Variants in TMEM184B observed in about 807,000 individuals in gnomAD.
TMEM184B encodes the protein putative MAPK-activating protein FM08.
A neutral mutation model predicts 41.8 loss-of-function variants in TMEM184B; 17 were observed. That is an observed-to-expected ratio of 0.41 (90% confidence interval 0.28 to 0.61). The LOEUF is 0.61. TMEM184B is among the 20% of genes least tolerant of loss of function. The pLI, the probability that TMEM184B is intolerant of heterozygous loss-of-function variation, is 0.34. For synonymous variants in TMEM184B, 240 were observed against 229.5 expected, an observed-to-expected ratio of 1.05 and a Z score of -0.41; for missense variants, 393 against 557.8, an observed-to-expected ratio of 0.70 and a Z score of 2.98.
intron 1 of TMEM184B, among the ~76,000 whole-genome samples, chr22:38,267,392 C>T (rs1436537419): frequency 6.6e-6 from 1 of 151,930 alleles, no homozygotes; most frequent in African/African-American, 2.4e-5. Context: ...TGAGCACCAC[C>T]GGCTCCTGGA....
chr22:38,247,310 C>T (rs9622762), intron 2 of TMEM184B, among the ~76,000 whole-genome samples: 3 of 152,184 alleles, frequency 2.0e-5, no homozygotes, highest in East Asian at 1.9e-4. Flanking sequence ...AACAGAGTGA[C>T]GAGTGTCACC....
intron 1 of TMEM184B, among the ~76,000 whole-genome samples, chr22:38,251,895 T>TG (rs1365885635): frequency 2.3e-5 from 3 of 132,904 alleles, no homozygotes; most frequent in African/African-American, 1.1e-4. Context: ...CAGATGATGC[T>TG]GTTTTTTTTT....
rs538360224 is a variant in TMEM184B, at chr22:38,220,694, G to A, written c.*775C>T. Reference sequence around the variant, plus strand: ...AGCAAGGGCTCTGCCCAAAGCTATCGAGGAAGGACCCAAGTGAGCCGGCAG... The same window carrying A: ...AGCAAGGGCTCTGCCCAAAGCTATCAAGGAAGGACCCAAGTGAGCCGGCAG... On this transcript the variant is annotated 3_prime_UTR_variant, in exon 9 of 9. Coordinates refer to ENST00000361906, the MANE Select transcript of TMEM184B (RefSeq NM_012264.5). 52 of 986,238 alleles carry A rather than the reference G, an allele frequency of 5.3e-5. 1 individual carries two copies. The highest frequency in any genetic ancestry group is 3.5e-4 in the African/African-American group (20 of 57,384). The allele number at this position is 986,238 out of a possible 1,614,324, so 61.1% of individuals were successfully genotyped here.
downstream of TMEM184B, among the ~76,000 whole-genome samples, chr22:38,219,030 T>C (rs1353056945): frequency 1.3e-5 from 2 of 152,140 alleles, no homozygotes; most frequent in African/African-American, 2.4e-5. Flanking sequence ...ATGGACCTGG[T>C]TGACCAAACA....
chr22:38,270,506 G>A (rs2092506738), intron 1 of TMEM184B, among the ~76,000 whole-genome samples: 1 of 152,192 alleles, frequency 6.6e-6, no homozygotes, highest in African/African-American at 2.4e-5. Flanking sequence ...CACAAGTAGG[G>A]CACTGTCTTG....
intron 3 of TMEM184B, among the ~76,000 whole-genome samples, chr22:38,243,043 G>C (rs1454999711): frequency 1.7e-5 from 2 of 120,242 alleles, no homozygotes; most frequent in Non-Finnish European, 3.3e-5. Context: ...GCCTGGCAAC[G>C]GTCTCAAAAA....
At chr22:38,242,345 G>A (rs2091929833) in intron 3 of TMEM184B, among the ~76,000 whole-genome samples, 1 of 152,034 alleles carries the variant, frequency 6.6e-6, no homozygotes, top group Non-Finnish European at 1.5e-5. Flanking sequence ...GGGCGTGAAG[G>A]CGTGTGCCTG....
At chr22:38,229,478 G>T (rs1240318477) in intron 5 of TMEM184B, among the ~76,000 whole-genome samples, 1 of 152,254 alleles carries the variant, frequency 6.6e-6, no homozygotes, top group Non-Finnish European at 1.5e-5. Context: ...CAAGGTCACA[G>T]AGTCAGAGGA....
intron 1 of TMEM184B, among the ~76,000 whole-genome samples, chr22:38,258,292 T>A (rs1260184131): frequency 2.0e-5 from 3 of 151,018 alleles, no homozygotes; most frequent in South Asian, 2.1e-4. Flanking sequence ...AATTTAGAAT[T>A]TTTCCAAATT....
intron 1 of TMEM184B, among the ~76,000 whole-genome samples, chr22:38,252,273 C>G (rs1034995751): frequency 3.9e-5 from 6 of 152,118 alleles, no homozygotes; most frequent in Admixed American, 1.3e-4. Context: ...GTTACTCACG[C>G]TGGTCTCGAG....
chr22:38,258,275 G>T (rs540206831), intron 1 of TMEM184B, among the ~76,000 whole-genome samples: 17 of 151,482 alleles, frequency 1.1e-4, no homozygotes, highest in Non-Finnish European at 1.9e-4. Flanking sequence ...GACTAAATGG[G>T]TTTAAGAATT....
chr22:38,272,764 G>A, intron 1 of TMEM184B, 120 bp downstream of exon 1: 1 of 985,238 alleles, frequency 1.0e-6, no homozygotes, highest in Non-Finnish European at 1.2e-6. Context: ...CCCCGCCCGG[G>A]AGCCGGCGGC....
intron 4 of TMEM184B, 117 bp downstream of exon 4, chr22:38,231,127 A>C: frequency 2.2e-6 from 2 of 892,562 alleles, no homozygotes; most frequent in Non-Finnish European, 1.9e-6. Flanking sequence ...GGTGAGGCAC[A>C]GCAGGTCAAG....
chr22:38,248,157 C>A, intron 1 of TMEM184B, 138 bp from the exon 2 acceptor site: 8 of 1,225,438 alleles, frequency 6.5e-6, no homozygotes, highest in Non-Finnish European at 7.7e-6. Context: ...GCCAGCCTCT[C>A]CCCTGGATTG....
intron 1 of TMEM184B, among the ~76,000 whole-genome samples, chr22:38,257,267 G>A (rs770180913): frequency 2.0e-5 from 3 of 151,988 alleles, no homozygotes; most frequent in African/African-American, 7.3e-5. Flanking sequence ...TTTTGGACTC[G>A]CTTGTTAAGA....
chr22:38,226,497 C>A lies in TMEM184B; in HGVS notation c.617+282G>T. 2.6e-6 allele frequency: 1 copy of A among 390,386 alleles called. No homozygotes were observed. The allele number at this position is 390,386 out of a possible 1,614,324, so 24.2% of individuals were successfully genotyped here. A position where few individuals can be genotyped will look rare whatever the true frequency, so the allele number is the denominator to read the frequency against. ...GGGGCTCTGACCCTCTCGCTCCCTG[C>A]CTCAGCAGTGGTCACTGTCCCTTTG... On this transcript the variant is annotated intron_variant, in intron 6 of 8. Transcript: ENST00000361906. The surrounding 1 kb of genome is among the most constrained non-coding windows in gnomAD (Gnocchi z 4.6).
In TMEM184B at chr22:38,272,998, G is replaced by T. The variant is rs1421710932; in HGVS notation, c.-173C>A. ...TCTCCGCCGCCGCCGGCGCGTCCCG[G>T]GCCCAGTGGAGTGCAGCCGCGGCGC... is the stretch of plus-strand genomic sequence containing the variant. On this transcript the variant is annotated 5_prime_UTR_variant, in exon 1 of 9. Transcript: ENST00000361906. The T allele has an allele frequency of 1.1e-5, 2 of 188,248 alleles. No homozygotes were observed. Among genetic ancestry groups the T allele is most frequent in the Non-Finnish European group, 2.0e-5 (2 of 101,834 alleles). 11.7% of individuals were successfully genotyped at this position (188,248 alleles called of 1,614,324 possible). A position where few individuals can be genotyped will look rare whatever the true frequency, so the allele number is the denominator to read the frequency against.
chr22:38,255,473 C>T (rs975239723), intron 1 of TMEM184B, among the ~76,000 whole-genome samples: 11 of 152,212 alleles, frequency 7.2e-5, no homozygotes, highest in East Asian at 3.8e-4. Flanking sequence ...TGCCTGGCCC[C>T]GGCAGTTTCT....
intron 3 of TMEM184B, among the ~76,000 whole-genome samples, chr22:38,241,379 CAA>C (rs1050502957): frequency 3.3e-5 from 5 of 152,040 alleles, no homozygotes; most frequent in African/African-American, 9.7e-5. Flanking sequence ...GGAGCAAAAA[CAA>C]AAAGTTACAT....
Sources: gnomAD v4.1 joint callset for allele counts (sites outside exome capture counted in the v4.1 genomes callset) on GRCh38, gnomAD v4.1.1 for gene constraint, Gnocchi (gnomAD v3.1) non-coding constraint, MANE v1.5 for transcripts, NCBI Gene and HGNC (gene_info 2026-07-23, HGNC 2026-07-21) for gene names.